STX16: variants seen among roughly 807,000 people sequenced by gnomAD.
STX16 encodes the protein syntaxin-16.
Under a neutral mutation model 42.7 loss-of-function variants are expected in STX16, and 28 were observed. The ratio of observed to expected loss-of-function variants is 0.66; its 90% confidence interval spans 0.49 to 0.90. The LOEUF is 0.90. Ranked by LOEUF, STX16 falls within the 40% of genes least tolerant of loss-of-function variation. The probability of loss-of-function intolerance (pLI) is 0.00; values close to 1 mark genes in which losing one functional copy is unlikely to be tolerated. For missense variants in STX16, 361 were observed against 420.9 expected (o/e 0.86, Z 1.24); for synonymous variants, 156 against 155.2 (o/e 1.00, Z -0.04).
chr20:58,653,747 C>CA (rs2083524984), intron 1 of STX16, among the ~76,000 whole-genome samples: 2 of 152,012 alleles, frequency 1.3e-5, no homozygotes, highest in African/African-American at 4.8e-5. Flanking sequence ...TACTGAAACT[C>CA]ATATTAAGAT....
chr20:58,669,286 C>T lies in STX16; in HGVS notation c.394-5C>T, dbSNP rs2083911758. 1 of 1,609,892 alleles carries T rather than the reference C, an allele frequency of 6.2e-7. No individual in the cohort carries two copies. On this transcript the variant is annotated splice_region_variant and splice_polypyrimidine_tract_variant and intron_variant, in intron 4 of 8. Transcript: ENST00000371141. ...TTGCCCTGAGCCTCGGGCTTGTTCTCTTAGCTCTTCCACAGGTGCCAGCGT... is the reference window on the plus strand; with the variant it reads ...TTGCCCTGAGCCTCGGGCTTGTTCTTTTAGCTCTTCCACAGGTGCCAGCGT...
rs975534803 is a variant in STX16 at position 58,652,267 on chromosome 20, C to T, written c.132+129C>T. On this transcript the variant is annotated intron_variant, in intron 1 of 8. Transcript: ENST00000371141. ...ATAATAAGACTAAGAATAATAAGAT[C>T]TCTTGGCTAGAGTCAGGGGGCATCT... 9 of 1,377,876 alleles carry T rather than the reference C, an allele frequency of 6.5e-6. No individual in the cohort carries two copies. The South Asian group carries it at 7.4e-5, about 11-fold the overall frequency. 85.4% of individuals were successfully genotyped at this position (1,377,876 alleles called of 1,614,324 possible). A position where few individuals can be genotyped will look rare whatever the true frequency, so the allele number is the denominator to read the frequency against.
chr20:58,668,211 C>G (rs2083883543), intron 4 of STX16, 84 bp downstream of exon 4: 8 of 1,521,598 alleles, frequency 5.3e-6, no homozygotes, highest in East Asian at 4.8e-5. Flanking sequence ...CAGAATCAGT[C>G]TCCTGGAGTC....
At chr20:58,656,333 C>T (rs866650338) in intron 1 of STX16, among the ~76,000 whole-genome samples, 1 of 152,130 alleles carries the variant, frequency 6.6e-6, no homozygotes, top group Non-Finnish European at 1.5e-5. Flanking sequence ...TAGAAGTAGC[C>T]CCAGTACTGT....
chr20:58,673,494 GT>G, intron 7 of STX16, 136 bp from the exon 8 acceptor site: 1 of 612,084 alleles, frequency 1.6e-6, no homozygotes. Flanking sequence ...AGAGCCCTCC[GT>G]GTGTACCTGC....
intron 2 of STX16, among the ~76,000 whole-genome samples, chr20:58,660,269 A>G (rs996502131): frequency 3.3e-5 from 5 of 152,248 alleles, no homozygotes; most frequent in African/African-American, 4.8e-5. Flanking sequence ...TTGAGAAAAA[A>G]TGAGATTAAA....
intron 2 of STX16, among the ~76,000 whole-genome samples, chr20:58,665,329 A>C (rs1001064731): frequency 6.6e-6 from 1 of 152,224 alleles, no homozygotes; most frequent in Non-Finnish European, 1.5e-5. Context: ...GAAATGAATC[A>C]AACTACTGTG....
chr20:58,675,178 G>A (rs1016563565), intron 8 of STX16, among the ~76,000 whole-genome samples: 1 of 152,134 alleles, frequency 6.6e-6, no homozygotes, highest in South Asian at 2.1e-4. Context: ...TGCTGTCCCC[G>A]TGCCTGATGT....
At chr20:58,652,378 C>T (rs549075129) in intron 1 of STX16, 25 of 587,738 alleles carry the variant, frequency 4.3e-5, no homozygotes, top group African/African-American at 2.5e-4. Context: ...AGCACCCCCC[C>T]CCCCGCACCC....
At chr20:58,667,221 G>A (rs1218816631) in intron 2 of STX16, 11 of 542,208 alleles carry the variant, frequency 2.0e-5, no homozygotes, top group Admixed American at 9.2e-5. Context: ...TCAAATTTAC[G>A]TTCTGAAGTA....
intron 8 of STX16, among the ~76,000 whole-genome samples, chr20:58,675,567 T>C (rs2084093340): frequency 6.6e-6 from 1 of 152,234 alleles, no homozygotes; most frequent in Non-Finnish European, 1.5e-5. Flanking sequence ...AGATTGAGCT[T>C]GGAGGGCTCC....
chr20:58,672,802 A>G (rs2084012446), intron 7 of STX16, among the ~76,000 whole-genome samples: 1 of 152,168 alleles, frequency 6.6e-6, no homozygotes, highest in African/African-American at 2.4e-5. Flanking sequence ...GGCAATTGGA[A>G]CCACTAGCGT....
chr20:58,658,075 C>T (rs1271868475), intron 1 of STX16, among the ~76,000 whole-genome samples: 2 of 152,186 alleles, frequency 1.3e-5, no homozygotes, highest in East Asian at 3.9e-4. Flanking sequence ...CTCTTATCAA[C>T]TAATAATTGT....
intron 1 of STX16, 178 bp downstream of exon 1, chr20:58,652,316 G>C (rs1204015985): frequency 3.4e-6 from 3 of 890,870 alleles, no homozygotes; most frequent in African/African-American, 1.7e-5. Context: ...AGGAAGAAGC[G>C]GTGCTGTGAG....
intron 2 of STX16, among the ~76,000 whole-genome samples, chr20:58,662,378 G>A (rs1374187518): frequency 6.6e-6 from 1 of 152,208 alleles, no homozygotes; most frequent in Non-Finnish European, 1.5e-5. Flanking sequence ...AGGGAGGGAC[G>A]GATTGCTCCC....
chr20:58,663,605 T>C (rs2083750597), intron 2 of STX16, among the ~76,000 whole-genome samples: 1 of 152,180 alleles, frequency 6.6e-6, no homozygotes, highest in Admixed American at 6.5e-5. Flanking sequence ...GAATTCTTAA[T>C]TCTCTTAAGT....
rs748600539 is a variant in STX16 at position 58,671,261 on chromosome 20, A to C, written c.756A>C (p.Glu252Asp). The C allele has an allele frequency of 6.2e-7, 1 of 1,613,652 alleles. No individual in the cohort carries two copies. Among genetic ancestry groups the C allele is most frequent in the East Asian group, 2.2e-5 (1 of 44,868 alleles). ...TACAGTCCATTTCTGACCTGAATGA[A>C]ATATTCAGGGACTTAGGGGCGATGA... The part of the protein sequence containing the change: ...QIVQSISDLN[E>D]IFRDLGAMIV... Residue 252 changes from glutamate to aspartate, a missense_variant, in exon 7 of 9, where the codon GAA becomes GAC. Physicochemically the swap from Glu to Asp is conservative, Grantham distance 45 (BLOSUM62 2). Coordinates refer to ENST00000371141, the MANE Select transcript of STX16 (RefSeq NM_001001433.3).
intron 4 of STX16, among the ~76,000 whole-genome samples, chr20:58,668,685 G>A (rs1221703729): frequency 1.3e-5 from 2 of 151,664 alleles, no homozygotes; most frequent in Non-Finnish European, 2.9e-5. Flanking sequence ...ACAGTTACAC[G>A]ATTCTCATTT....
chr20:58,673,289 G>A (rs1041131500), intron 7 of STX16, among the ~76,000 whole-genome samples: 1 of 152,206 alleles, frequency 6.6e-6, no homozygotes, highest in Non-Finnish European at 1.5e-5. Flanking sequence ...CAGAGCTTCT[G>A]TGCTGCTCAG....
Sources: allele counts gnomAD v4.1 joint callset (sites outside exome capture counted in the v4.1 genomes callset), GRCh38; gene constraint gnomAD v4.1.1; transcripts MANE v1.5; gene names NCBI Gene and HGNC (gene_info 2026-07-23, HGNC 2026-07-21).